Variants in SLC44A4 observed in about 807,000 individuals in gnomAD.
The protein encoded by SLC44A4 is choline transporter-like protein 4.
Under a neutral mutation model 97.0 loss-of-function variants are expected in SLC44A4, and 74 were observed. The observed-to-expected ratio is 0.76, with a 90% CI of 0.63 to 0.93. The LOEUF (loss-of-function observed/expected upper bound fraction) is 0.93. Among genes scored for constraint, SLC44A4 ranks in the 40% least tolerant of loss-of-function variants. The pLI is 0.00. For synonymous variants in SLC44A4, 325 were observed against 363.8 expected (o/e 0.89, Z 1.21); for missense variants, 799 against 902.9 (o/e 0.88, Z 1.48).
Position 31,864,874 on chromosome 6 carries a change from GGGA to G in SLC44A4, c.1865_1867del (p.Ile622_Pro623delinsThr). ...GCTCTTAAAGTCTTTACCCAGCCCC[GGGA>G]TGCGACCGGAGAAAAAAAAGAAGGA... On this transcript the variant is annotated inframe_deletion, in exon 19 of 21. Transcript: ENST00000229729. 1 of 1,613,986 alleles carries G rather than the reference GGGA, an allele frequency of 6.2e-7. No homozygotes were observed. Among genetic ancestry groups the G allele is most frequent in the Non-Finnish European group, 8.5e-7 (1 of 1,179,974 alleles).
chr6:31,866,108 A>T lies in SLC44A4; in HGVS notation c.1252T>A (p.Ser418Thr). 3 of 1,614,024 alleles carry T rather than the reference A, an allele frequency of 1.9e-6. No individual in the cohort carries two copies. Among genetic ancestry groups the T allele is most frequent in the Non-Finnish European group, 2.5e-6 (3 of 1,179,962 alleles). Residue 418 changes from serine to threonine, a missense_variant, in exon 14 of 21, where the codon TCG becomes ACG. This residue lies in a region of SLC44A4 where 379 missense variants were observed against 438.3 expected (regional missense o/e 0.86). Coordinates refer to ENST00000229729, the MANE Select transcript of SLC44A4 (RefSeq NM_025257.3). ...CNPTAHLVNS[S>T]CPGLMCVFQG... is the part of the protein sequence containing the mutation. ...AAGACGCACATCAGCCCTGGGCACG[A>T]GGAGTTCACAAGGTGGGCCTGGGAG...
At chr6:31,871,807 C>G (rs547719909) in intron 7 of SLC44A4, among the ~76,000 whole-genome samples, 12 of 152,190 alleles carry the variant, frequency 7.9e-5, no homozygotes, top group Non-Finnish European at 1.6e-4. Flanking sequence ...CTTAGAACAC[C>G]CTGTCACCCT....
intron 4 of SLC44A4, 120 bp downstream of exon 4, chr6:31,875,732 G>T: frequency 1.1e-6 from 1 of 872,344 alleles, no homozygotes; most frequent in Non-Finnish European, 1.8e-6. Context: ...GGTGGGGTGG[G>T]GACAGCAGGG....
rs747200924 is a variant in SLC44A4 at position 31,876,102 on chromosome 6, G to A, written c.117C>T (p.Val39=). 11 of 1,613,630 alleles carry A rather than the reference G, an allele frequency of 6.8e-6. 1 individual carries two copies. The highest frequency in any genetic ancestry group is 8.5e-6 in the Non-Finnish European group (10 of 1,179,914). ...AACCTAGAATGAAGAGCAGGAAGAG[G>A]ACGCAGCAGATGACATCTGTGCAGC... ...NRSCTDVICC[V]LFLLFILGYI... The change falls in exon 3 of 21, where the codon GTC becomes GTT. Residue 39 remains valine (V), a synonymous_variant. Coordinates refer to ENST00000229729, the MANE Select transcript of SLC44A4 (RefSeq NM_025257.3). The surrounding 1 kb of genome is among the most constrained non-coding windows in gnomAD (Gnocchi z 4.8).
In SLC44A4 at chr6:31,877,212, G is replaced by T; in HGVS notation, c.41-130C>A. ...AGGGAGATGGGCTAGGGCAGGACTG[G>T]CAGGAGGGGAAAACTGGGGAGCAGG... is the stretch of plus-strand genomic sequence containing the variant. On this transcript the variant is annotated intron_variant, in intron 1 of 20. Transcript: ENST00000229729. The surrounding 1 kb of genome is among the most constrained non-coding windows in gnomAD (Gnocchi z 6.5). 3 of 916,760 alleles carry T rather than the reference G, an allele frequency of 3.3e-6. No individual in the cohort carries two copies. Among genetic ancestry groups the T allele is most frequent in the Non-Finnish European group, 5.0e-6 (3 of 601,746 alleles). 56.8% of individuals were successfully genotyped at this position (916,760 alleles called of 1,614,324 possible). A position where few individuals can be genotyped will look rare whatever the true frequency, so the allele number is the denominator to read the frequency against.
rs1763317937 is a variant in SLC44A4, at chr6:31,874,137, A to T, written c.529+323T>A. Among the ~76,000 whole-genome samples, 1 of 151,820 alleles carries T rather than the reference A, an allele frequency of 6.6e-6. No homozygotes were observed. The highest frequency in any genetic ancestry group is 2.4e-5 in the African/African-American group (1 of 41,314). Reference sequence around the variant, plus strand: ...CAAAAAAAAAAAAATGTGTGTGTAGATTCACCCATGTATGTTTTCATGAGA... The same window carrying T: ...CAAAAAAAAAAAAATGTGTGTGTAGTTTCACCCATGTATGTTTTCATGAGA... On this transcript the variant is annotated intron_variant, in intron 7 of 20. Coordinates refer to ENST00000229729, the MANE Select transcript of SLC44A4 (RefSeq NM_025257.3). The surrounding 1 kb of genome is among the most constrained non-coding windows in gnomAD (Gnocchi z 4.8).
chr6:31,877,112 TGA>T lies in SLC44A4; in HGVS notation c.41-32_41-31del, dbSNP rs745957819. 4 of 1,601,560 alleles carry T rather than the reference TGA, an allele frequency of 2.5e-6. No individual in the cohort carries two copies. The African/African-American group carries it at 5.4e-5, about 21-fold the overall frequency. On this transcript the variant is annotated intron_variant, in intron 1 of 20. Coordinates refer to ENST00000229729, the MANE Select transcript of SLC44A4 (RefSeq NM_025257.3). This position sits in a 1 kb window ranked among gnomAD's most constrained non-coding sequence, Gnocchi z 6.5. ...GGGACATGAGAAGAGGTGTGGAGGATGAGTCTCTCTCTGCATATCTTGTCCTG... is the reference window on the plus strand; with the variant it reads ...GGGACATGAGAAGAGGTGTGGAGGATGTCTCTCTCTGCATATCTTGTCCTG...
At position 31,865,883 on chromosome 6, in the gene SLC44A4, G is replaced by C; in HGVS notation, c.1477C>G (p.Arg493Gly). 1 of 1,614,178 alleles carries C rather than the reference G, an allele frequency of 6.2e-7. No individual in the cohort carries two copies. Among genetic ancestry groups the C allele is most frequent in the Non-Finnish European group, 8.5e-7 (1 of 1,180,024 alleles). Residue 493 changes from arginine to glycine, a missense_variant, in exon 14 of 21, where the codon CGC becomes GGC. By Grantham distance (125) the Arg-to-Gly change is moderately radical. Around this residue, in one of 3 missense-constraint regions of SLC44A4, gnomAD observed 379 missense variants for 438.3 expected, o/e 0.86. Coordinates refer to ENST00000229729, the MANE Select transcript of SLC44A4 (RefSeq NM_025257.3). This position sits in a 1 kb window ranked among gnomAD's most constrained non-coding sequence, Gnocchi z 5.2. ...PTFPLISAFI[R>G]TLRYHTGSLA... ...CTGCCCCATCCTTACCGGAGTGTGC[G>C]GATGAAGGCAGAGATTAAGGGGAAG...
At position 31,863,196 on chromosome 6, in the gene SLC44A4, CT is replaced by C. The variant is rs1762642355; in HGVS notation, c.*430del. 3 of 268,976 alleles carry C rather than the reference CT, an allele frequency of 1.1e-5. No homozygotes were observed. Among genetic ancestry groups the C allele is most frequent in the South Asian group, 7.3e-5 (1 of 13,748 alleles). 16.7% of individuals were successfully genotyped at this position (268,976 alleles called of 1,614,324 possible). A position where few individuals can be genotyped will look rare whatever the true frequency, so the allele number is the denominator to read the frequency against. Reference sequence around the variant, plus strand: ...GTGGAGAGAATGAGTCACAGATTTACTGAGTTAACAAAATATCTTTAATAAA... The same window carrying C: ...GTGGAGAGAATGAGTCACAGATTTACGAGTTAACAAAATATCTTTAATAAA... On this transcript the variant is annotated 3_prime_UTR_variant, in exon 21 of 21. Coordinates refer to ENST00000229729, the MANE Select transcript of SLC44A4 (RefSeq NM_025257.3).
intron 4 of SLC44A4, among the ~76,000 whole-genome samples, chr6:31,875,535 A>C (rs1409312332): frequency 2.6e-5 from 4 of 152,218 alleles, no homozygotes; most frequent in African/African-American, 9.6e-5. Flanking sequence ...GAGCTTGAGT[A>C]ACTTGTCCAA....
chr6:31,870,977 C>T lies in SLC44A4; in HGVS notation c.772G>A (p.Val258Met), dbSNP rs1763141472. ...AGCACTCCCAGGATCAGCACCAGCA[C>T]CAGGGGCCCAGCCACCAGGCGCAGA... ...LLLRLVAGPL[V>M]LVLILGVLGV... is the part of the protein sequence containing the mutation. Residue 258 changes from valine (V) to methionine (M), a missense_variant, in exon 10 of 21, where the codon GTG becomes ATG. Val to Met is a conservative substitution (Grantham distance 21, BLOSUM62 1). Coordinates refer to ENST00000229729, the MANE Select transcript of SLC44A4 (RefSeq NM_025257.3). 6.2e-7 allele frequency: 1 copy of T among 1,612,866 alleles called. No individual in the cohort carries two copies. The highest frequency in any genetic ancestry group is 1.3e-5 in the African/African-American group (1 of 74,900).
intron 13 of SLC44A4, among the ~76,000 whole-genome samples, chr6:31,868,360 C>T (rs150970860): frequency 8.5e-5 from 13 of 152,324 alleles, no homozygotes; most frequent in Middle Eastern, 3.4e-3. Flanking sequence ...CAATATAATA[C>T]AATTCAACCT....
Position 31,877,486 on chromosome 6 carries a change from C to T in SLC44A4, c.41-404G>A. On this transcript the variant is annotated intron_variant, in intron 1 of 20. Transcript: ENST00000229729. The surrounding 1 kb of genome is among the most constrained non-coding windows in gnomAD (Gnocchi z 6.5). Reference sequence around the variant, plus strand: ...ATCCCTGCCTCCTCCCTAATCCCTCCCCAGGGACCACACAGACCCACAGCC... The same window carrying T: ...ATCCCTGCCTCCTCCCTAATCCCTCTCCAGGGACCACACAGACCCACAGCC... The T allele has an allele frequency of 1.8e-6, 1 of 560,352 alleles. No homozygotes were observed. Among genetic ancestry groups the T allele is most frequent in the Non-Finnish European group, 2.4e-6 (1 of 423,586 alleles). 34.7% of individuals were successfully genotyped at this position (560,352 alleles called of 1,614,324 possible). A position where few individuals can be genotyped will look rare whatever the true frequency, so the allele number is the denominator to read the frequency against.
chr6:31,869,394 C>A, intron 12 of SLC44A4, 137 bp from the exon 13 acceptor site: 1 of 939,958 alleles, frequency 1.1e-6, no homozygotes, highest in South Asian at 1.6e-5. Flanking sequence ...TGCACCCTTT[C>A]AACTCTGTTC....
In SLC44A4 at chr6:31,863,517, G is replaced by A; in HGVS notation, c.*110C>T. 1.4e-6 allele frequency: 2 copies of A among 1,427,436 alleles called. No individual in the cohort carries two copies. Among genetic ancestry groups the A allele is most frequent in the South Asian group, 3.1e-5 (2 of 65,334 alleles). The allele number at this position is 1,427,436 out of a possible 1,614,324, so 88.4% of individuals were successfully genotyped here. On this transcript the variant is annotated 3_prime_UTR_variant, in exon 21 of 21. Coordinates refer to ENST00000229729, the MANE Select transcript of SLC44A4 (RefSeq NM_025257.3). ...TTGGATTACAGGCGTGAGCCACGGC[G>A]CCTGGCCTAAAACCTTTTTTTACCA... is the stretch of plus-strand genomic sequence containing the variant.
rs1763050479 is a variant in SLC44A4, at chr6:31,869,709, GGCGCA to G, written c.1038-77_1038-73del. ...CTTCTCAAGGGGCTGACCCCGGCCG[GGCGCA>G]GTGGCTCACGCCTGTAATCCCAGCA... is the stretch of plus-strand genomic sequence containing the variant. On this transcript the variant is annotated intron_variant, in intron 11 of 20. Coordinates refer to ENST00000229729, the MANE Select transcript of SLC44A4 (RefSeq NM_025257.3). 2.4e-6 allele frequency: 3 copies of G among 1,256,310 alleles called. No homozygotes were observed. In the South Asian group the frequency reaches 3.9e-5, roughly 16 times the overall value. 77.8% of individuals were successfully genotyped at this position (1,256,310 alleles called of 1,614,324 possible).
At chr6:31,871,686 G>C (rs564962497) in intron 7 of SLC44A4, 125 bp from the exon 8 acceptor site, 2 of 700,848 alleles carry the variant, frequency 2.9e-6, no homozygotes, top group Admixed American at 2.5e-5. Flanking sequence ...TCCCTCAGTG[G>C]GCTGCTTTTG....
intron 7 of SLC44A4, among the ~76,000 whole-genome samples, chr6:31,872,042 G>T (rs1211165649): frequency 6.6e-6 from 1 of 151,826 alleles, no homozygotes; most frequent in African/African-American, 2.4e-5. Context: ...CTCTCTCAGG[G>T]CTCTCTTTCC....
Position 31,871,305 on chromosome 6 carries a change from G to A in SLC44A4, c.701+9C>T, listed in dbSNP as rs372369999. ...AAGGACACAAGAGGAGGGGAATCTG[G>A]TGACTCACACAAGAATCCAATACCA... On this transcript the variant is annotated intron_variant, in intron 9 of 20. Transcript: ENST00000229729. 96 of 1,611,946 alleles carry A rather than the reference G, an allele frequency of 6.0e-5. No individual in the cohort carries two copies. The highest frequency in any genetic ancestry group is 7.1e-5 in the Non-Finnish European group (84 of 1,178,156).
Sources: gnomAD v4.1 joint callset for allele counts (sites outside exome capture counted in the v4.1 genomes callset) on GRCh38, gnomAD v4.1.1 for gene constraint, gnomAD v4.1.1 regional missense constraint, Gnocchi (gnomAD v3.1) non-coding constraint, MANE v1.5 for transcripts, NCBI Gene and HGNC (gene_info 2026-07-23, HGNC 2026-07-21) for gene names.